The following TANC2 variants were observed in gnomAD, a reference collection of about 807,000 sequenced individuals.
TANC2 encodes tetratricopeptide repeat, ankyrin repeat and coiled-coil containing 2, also known as protein TANC2.
Under a neutral mutation model 210.5 loss-of-function variants are expected in TANC2, and 26 were observed. That is an observed-to-expected ratio of 0.12 (90% CI 0.09 to 0.17). The LOEUF is 0.17. Among genes scored for constraint, TANC2 ranks in the 10% least tolerant of loss-of-function variants. The pLI is 1.00. For missense variants in TANC2, 2,129 were observed against 2,608.9 expected (o/e 0.82, Z 4.01); for synonymous variants, 931 against 967.1 (o/e 0.96, Z 0.69).
intron 6 of TANC2, among the ~76,000 whole-genome samples, chr17:63,199,958 T>A (rs1483973126): frequency 6.6e-6 from 1 of 152,232 alleles, no homozygotes; most frequent in East Asian, 1.9e-4. Context: ...TCTGCATTCA[T>A]GTATTGTCTC....
intron 9 of TANC2, among the ~76,000 whole-genome samples, chr17:63,286,671 G>A (rs2044231038): frequency 6.6e-6 from 1 of 152,148 alleles, no homozygotes; most frequent in Non-Finnish European, 1.5e-5. Flanking sequence ...AAATTTTGTA[G>A]CCATAGTTTC....
At chr17:63,252,565 C>T (rs568114757) in intron 8 of TANC2, among the ~76,000 whole-genome samples, 27 of 152,076 alleles carry the variant, frequency 1.8e-4, no homozygotes, top group African/African-American at 4.8e-4. Flanking sequence ...CCTCTGGTAA[C>T]CATCATTCTA....
chr17:63,233,588 A>G (rs2042540634), intron 7 of TANC2, among the ~76,000 whole-genome samples: 1 of 152,198 alleles, frequency 6.6e-6, no homozygotes, highest in Non-Finnish European at 1.5e-5. Context: ...TGGATACCTC[A>G]GTTGCCAGTG....
intron 2 of TANC2, among the ~76,000 whole-genome samples, chr17:63,016,296 G>T (rs764016908): frequency 2.0e-4 from 30 of 152,136 alleles, no homozygotes; most frequent in Non-Finnish European, 5.9e-5. Flanking sequence ...CATCATTAAG[G>T]CTGGGTGTGG....
At chr17:63,166,458 A>G (rs188612524) in intron 5 of TANC2, among the ~76,000 whole-genome samples, 1 of 152,382 alleles carries the variant, frequency 6.6e-6, no homozygotes, top group African/African-American at 2.4e-5. Context: ...AAAGGCAAAT[A>G]GTTAGAAAAT....
intron 2 of TANC2, among the ~76,000 whole-genome samples, chr17:63,018,572 C>G (rs1265603635): frequency 6.6e-6 from 1 of 151,872 alleles, no homozygotes; most frequent in East Asian, 1.9e-4. Flanking sequence ...TTTGGGTTCC[C>G]CCAGTGGTAA....
rs375324186 is a variant in TANC2 at position 62,974,484 on chromosome 17, A to G, written c.-24+7735A>G. On this transcript the variant is annotated intron_variant, in intron 1 of 27. Transcript: ENST00000689528. ...CCTTGTGTGTAAAGTTTAAAAGTTG[A>G]GGTGGATTAGTTATGTTGGAAAAAC... 1.3e-4 allele frequency among the ~76,000 whole-genome samples: 20 copies of G among 152,294 alleles called. No individual in the cohort carries two copies. The East Asian group carries it at 3.7e-3, about 28-fold the overall frequency.
At chr17:63,402,503 G>T (rs1410057278) in intron 19 of TANC2, among the ~76,000 whole-genome samples, 1 of 152,104 alleles carries the variant, frequency 6.6e-6, no homozygotes, top group African/African-American at 2.4e-5. Flanking sequence ...CCGACCCCTT[G>T]ATCTTACATG....
intron 2 of TANC2, among the ~76,000 whole-genome samples, chr17:63,037,470 T>C (rs1379731583): frequency 6.6e-6 from 1 of 152,212 alleles, no homozygotes; most frequent in Non-Finnish European, 1.5e-5. Flanking sequence ...GGGTGGACTC[T>C]TGTTTTTAAA....
At chr17:63,319,557 G>GC (rs2045428545) in intron 11 of TANC2, among the ~76,000 whole-genome samples, 2 of 152,136 alleles carry the variant, frequency 1.3e-5, no homozygotes, top group Non-Finnish European at 2.9e-5. Context: ...TGCCATGTTG[G>GC]CCGGGCTTCT....
chr17:63,253,422 T>A (rs2043106179), intron 8 of TANC2, among the ~76,000 whole-genome samples: 1 of 152,302 alleles, frequency 6.6e-6, no homozygotes, highest in Non-Finnish European at 1.5e-5. Flanking sequence ...GTTTCCTCCC[T>A]TGTACAAAGC....
chr17:63,009,719 C>A, intron 2 of TANC2, 93 bp downstream of exon 2: 1 of 1,049,690 alleles, frequency 9.5e-7, no homozygotes, highest in Non-Finnish European at 1.4e-6. Flanking sequence ...TTTATTAATG[C>A]TTAACTTAGA....
chr17:63,120,649 C>CA (rs1249115626), intron 4 of TANC2: 2 of 151,360 alleles, frequency 1.3e-5, no homozygotes, highest in Non-Finnish European at 2.9e-5. Context: ...CCTGTCTTTA[C>CA]AAAAAATACA....
intron 8 of TANC2, among the ~76,000 whole-genome samples, chr17:63,256,857 T>C (rs1192568225): frequency 1.3e-5 from 2 of 152,248 alleles, no homozygotes; most frequent in African/African-American, 4.8e-5. Context: ...TTTATCATTA[T>C]GTAGTGACTT....
At chr17:63,326,346 C>T (rs1006436861) in intron 11 of TANC2, among the ~76,000 whole-genome samples, 6 of 152,162 alleles carry the variant, frequency 3.9e-5, no homozygotes, top group Non-Finnish European at 8.8e-5. Context: ...ACTCATATCT[C>T]ACACCATGCA....
intron 1 of TANC2, among the ~76,000 whole-genome samples, chr17:62,972,018 T>C (rs2031725659): frequency 6.6e-6 from 1 of 152,200 alleles, no homozygotes; most frequent in East Asian, 1.9e-4. Flanking sequence ...TAATATTAGA[T>C]GGAGAACAGG....
intron 4 of TANC2, among the ~76,000 whole-genome samples, chr17:63,114,338 ACCCTGCCAGTT>A (rs2038170971): frequency 6.6e-6 from 1 of 152,208 alleles, no homozygotes; most frequent in Non-Finnish European, 1.5e-5. Flanking sequence ...AGTATATCCA[ACCCTGCCAGTT>A]TATCCTTTAG....
Position 63,359,348 on chromosome 17 carries a change from A to AT in TANC2, c.2582+3973dup, listed in dbSNP as rs750516556. On this transcript the variant is annotated intron_variant, in intron 14 of 27. Transcript: ENST00000689528. ...TACAGGGATGAGCTACTGCACCAGC[A>AT]TTTTTTTTTTTTTTTCGAGACAGAG... is the stretch of plus-strand genomic sequence containing the variant. Among the ~76,000 whole-genome samples, 1,266 of 134,760 alleles carry AT rather than the reference A, an allele frequency of 9.4e-3. 14 individuals carry two copies. The highest frequency in any genetic ancestry group is 0.024 in the African/African-American group (922 of 38,594). 88.4% of individuals were successfully genotyped at this position (134,760 alleles called of 152,430 possible).
chr17:63,187,947 GAAAA>G (rs2041051048), intron 5 of TANC2, among the ~76,000 whole-genome samples: 1 of 151,986 alleles, frequency 6.6e-6, no homozygotes, highest in Non-Finnish European at 1.5e-5. Context: ...GGTATACCCT[GAAAA>G]ATACATATTT....
Sources: allele counts gnomAD v4.1 joint callset (sites outside exome capture counted in the v4.1 genomes callset), GRCh38; gene constraint gnomAD v4.1.1; transcripts MANE v1.5; gene names NCBI Gene and HGNC (gene_info 2026-07-23, HGNC 2026-07-21).